ICMT: variants seen among roughly 807,000 people sequenced by gnomAD.
The protein encoded by ICMT is protein-S-isoprenylcysteine O-methyltransferase.
Under a neutral mutation model 32.2 loss-of-function variants are expected in ICMT, and 10 were observed. That is an observed-to-expected ratio of 0.31 (90% CI 0.19 to 0.53). ICMT has a LOEUF of 0.53. Ranked by LOEUF, ICMT falls within the 20% of genes least tolerant of loss-of-function variation. ICMT has a pLI of 0.96. For missense variants in ICMT, 265 were observed against 356.9 expected (o/e 0.74, Z 2.07); for synonymous variants, 183 against 158.2 (o/e 1.16, Z -1.18).
chr1:6,229,783 TACACACACACACACACACACAC>T (rs34741419), intron 4 of ICMT, among the ~76,000 whole-genome samples: 3 of 146,704 alleles, frequency 2.0e-5, no homozygotes, highest in Non-Finnish European at 4.5e-5. Flanking sequence ...ATAAAAAAAA[TACACACACACACACACACACAC>T]ACACACACAC....
intron 1 of ICMT, 56 bp downstream of exon 1, chr1:6,235,661 G>C: frequency 9.1e-7 from 1 of 1,097,056 alleles, no homozygotes; most frequent in Non-Finnish European, 1.1e-6. Flanking sequence ...CACGCGCCGC[G>C]CCAAGCGGAC....
In ICMT at chr1:6,225,128, C is replaced by G; in HGVS notation, c.807G>C (p.Arg269Ser). Residue 269 changes from arginine to serine, a missense_variant, in exon 5 of 5, where the codon AGG (arginine) becomes AGC (serine). Physicochemically the swap from Arg to Ser is moderately radical, Grantham distance 110 (BLOSUM62 -1). Around this residue, in one of 2 missense-constraint regions of ICMT, gnomAD observed 166 missense variants for 264.3 expected, o/e 0.63. Coordinates refer to ENST00000343813, the MANE Select transcript of ICMT (RefSeq NM_012405.4). ...TTATGAAAGGCAGGCCCGTGGGCAC[C>G]CTCTTCTTATACTCCAGGTACTCCT... ...FGEEYLEYKK[R>S]VPTGLPFIKG... The G allele has an allele frequency of 1.2e-6, 2 of 1,614,140 alleles. No homozygotes were observed. Among genetic ancestry groups the G allele is most frequent in the Non-Finnish European group, 8.5e-7 (1 of 1,179,996 alleles).
Position 6,221,342 on chromosome 1 carries a change from G to C in ICMT, c.*3738C>G, listed in dbSNP as rs549116504. The C allele has an allele frequency of 1.3e-5, 2 of 152,776 alleles. No individual in the cohort carries two copies. Among genetic ancestry groups the C allele is most frequent in the Admixed American group, 1.3e-4 (2 of 15,300 alleles). The allele number at this position is 152,776 out of a possible 1,614,324, so 9.5% of individuals were successfully genotyped here. ...CGTTCAGTTCCTCTCCTTGCAATGG[G>C]ATAGGCTGCCTCTGCTGCAGATGGC... is the stretch of plus-strand genomic sequence containing the variant. On this transcript the variant is annotated 3_prime_UTR_variant, in exon 5 of 5. Transcript: ENST00000343813.
Position 6,221,784 on chromosome 1 carries a change from C to T in ICMT, c.*3296G>A, listed in dbSNP as rs572264733. On this transcript the variant is annotated 3_prime_UTR_variant, in exon 5 of 5. Coordinates refer to ENST00000343813, the MANE Select transcript of ICMT (RefSeq NM_012405.4). Reference sequence around the variant, plus strand: ...CCTTGTTTTCTGTCCTGCTAAGAGGCTCACCCCGCGACCTCTTCTGTAAAC... The same window carrying T: ...CCTTGTTTTCTGTCCTGCTAAGAGGTTCACCCCGCGACCTCTTCTGTAAAC... 5 of 152,298 alleles carry T rather than the reference C, an allele frequency of 3.3e-5. No individual in the cohort carries two copies. The East Asian group carries it at 7.7e-4, about 24-fold the overall frequency. 9.4% of individuals were successfully genotyped at this position (152,298 alleles called of 1,614,324 possible).
At chr1:6,235,290 G>A (rs190451851) in intron 1 of ICMT, among the ~76,000 whole-genome samples, 4 of 152,260 alleles carry the variant, frequency 2.6e-5, no homozygotes, top group African/African-American at 9.6e-5. Flanking sequence ...CATTTTAGCT[G>A]TCATTATTAT....
intron 1 of ICMT, 100 bp downstream of exon 1, chr1:6,235,616 TG>T: frequency 1.3e-6 from 1 of 773,462 alleles, no homozygotes; most frequent in Non-Finnish European, 1.6e-6. Flanking sequence ...AGCGCGCGCG[TG>T]GGAGGCCACT....
chr1:6,231,202 A>T (rs1036374493), intron 4 of ICMT, among the ~76,000 whole-genome samples: 5 of 152,082 alleles, frequency 3.3e-5, no homozygotes, highest in Non-Finnish European at 2.9e-5. Flanking sequence ...AAAAGAAAAG[A>T]AACGAAACAA....
At chr1:6,230,985 T>G (rs1266989114) in intron 4 of ICMT, among the ~76,000 whole-genome samples, 1 of 151,580 alleles carries the variant, frequency 6.6e-6, no homozygotes, top group Admixed American at 6.6e-5. Flanking sequence ...GCAGACTGCT[T>G]GAGCTCAGTA....
chr1:6,235,495 C>T (rs1234379810), intron 1 of ICMT, among the ~76,000 whole-genome samples: 2 of 152,136 alleles, frequency 1.3e-5, no homozygotes, highest in Non-Finnish European at 2.9e-5. Context: ...CCACCCCACG[C>T]GCACCTGCTG....
intron 4 of ICMT, 111 bp downstream of exon 4, chr1:6,231,791 A>G: frequency 1.5e-6 from 1 of 688,664 alleles, no homozygotes; most frequent in East Asian, 2.7e-5. Context: ...TACACTGAAA[A>G]CCACTAATTG....
intron 1 of ICMT, among the ~76,000 whole-genome samples, chr1:6,235,485 C>A (rs1571228386): frequency 6.6e-6 from 1 of 152,134 alleles, no homozygotes; most frequent in East Asian, 1.9e-4. Context: ...CTCGCTCACT[C>A]CACCCCACGC....
At chr1:6,233,217 A>G (rs1046187318) in intron 3 of ICMT, among the ~76,000 whole-genome samples, 3 of 152,272 alleles carry the variant, frequency 2.0e-5, no homozygotes, top group Admixed American at 6.5e-5. Context: ...ACAACTACTC[A>G]AGGTTGGGGC....
At position 6,235,926 on chromosome 1, in the gene ICMT, G is replaced by C. The variant is rs1413342828; in HGVS notation, c.-15C>G. 9.0e-7 allele frequency: 1 copy of C among 1,106,500 alleles called. No individual in the cohort carries two copies. Among genetic ancestry groups the C allele is most frequent in the South Asian group, 4.3e-5 (1 of 23,170 alleles). 68.5% of individuals were successfully genotyped at this position (1,106,500 alleles called of 1,614,324 possible). On this transcript the variant is annotated 5_prime_UTR_variant, in exon 1 of 5. Transcript: ENST00000343813. ...CAGCCCGCCATGGCGCCGGGCGGCG[G>C]ACTAGCGGGCGGCGGCGCCGGCTGT...
intron 4 of ICMT, among the ~76,000 whole-genome samples, chr1:6,227,622 G>C (rs1170563630): frequency 6.6e-6 from 1 of 152,216 alleles, no homozygotes; most frequent in Non-Finnish European, 1.5e-5. Flanking sequence ...TTGGGAGACT[G>C]AGGCAAGTGG....
intron 4 of ICMT, among the ~76,000 whole-genome samples, chr1:6,227,581 C>T (rs1007154679): frequency 5.3e-5 from 8 of 152,176 alleles, no homozygotes; most frequent in East Asian, 1.9e-4. Context: ...GGCGGCCAGG[C>T]GCGATGGCTC....
rs1005147873 is a variant in ICMT at position 6,224,904 on chromosome 1, C to T, written c.*176G>A. 3.0e-6 allele frequency: 2 copies of T among 657,196 alleles called. No homozygotes were observed. Among genetic ancestry groups the T allele is most frequent in the Non-Finnish European group, 5.3e-6 (2 of 373,836 alleles). 40.7% of individuals were successfully genotyped at this position (657,196 alleles called of 1,614,324 possible). A position where few individuals can be genotyped will look rare whatever the true frequency, so the allele number is the denominator to read the frequency against. On this transcript the variant is annotated 3_prime_UTR_variant, in exon 5 of 5. Coordinates refer to ENST00000343813, the MANE Select transcript of ICMT (RefSeq NM_012405.4). Reference sequence around the variant, plus strand: ...GATTCGGCATAAGGACAGACTGCTCCAGTGGGGCCTTGGGTCCTCAGGCCT... The same window carrying T: ...GATTCGGCATAAGGACAGACTGCTCTAGTGGGGCCTTGGGTCCTCAGGCCT...
rs1407171846 is a variant in ICMT, at chr1:6,225,110, AG to A, written c.824del (p.Pro275LeufsTer3). The A allele has an allele frequency of 6.2e-7, 1 of 1,613,818 alleles. No individual in the cohort carries two copies. Among genetic ancestry groups the A allele is most frequent in the African/African-American group, 1.3e-5 (1 of 74,936 alleles). ...EYKKRVPTGLPFIKGVKVDL is the reference protein window; with the variant it reads ...EYKKRVPTGLXFIKGVKVDL ...GGTCCACCTTGACCCCCTTTATGAA[AG>A]GCAGGCCCGTGGGCACCCTCTTCTT... On this transcript the variant is annotated frameshift_variant, in exon 5 of 5. Transcript: ENST00000343813. LOFTEE classifies it high-confidence loss of function.
rs1668791454 is a variant in ICMT at position 6,234,772 on chromosome 1, C to CCCTGAACAGG, written c.284+113_284+114insCCTGTTCAGG. 6 of 814,630 alleles carry CCCTGAACAGG rather than the reference C, an allele frequency of 7.4e-6. No individual in the cohort carries two copies. In the Admixed American group the frequency reaches 1.2e-4, roughly 16 times the overall value. 50.5% of individuals were successfully genotyped at this position (814,630 alleles called of 1,614,324 possible). A position where few individuals can be genotyped will look rare whatever the true frequency, so the allele number is the denominator to read the frequency against. ...GCCAGGAGACTTCGTTTCCAGAGAA[C>CCCTGAACAGG]CCTGAACAGCCTTCTGCCGGTCACA... On this transcript the variant is annotated intron_variant, in intron 2 of 4. Coordinates refer to ENST00000343813, the MANE Select transcript of ICMT (RefSeq NM_012405.4).
intron 4 of ICMT, 40 bp downstream of exon 4, chr1:6,231,858 TAAAA>T: frequency 4.8e-6 from 5 of 1,036,064 alleles, no homozygotes; most frequent in Non-Finnish European, 6.8e-6. Context: ...AAATGTTACT[TAAAA>T]AAAAAAAAAA....
Sources: gnomAD v4.1 joint callset for allele counts (sites outside exome capture counted in the v4.1 genomes callset) on GRCh38, gnomAD v4.1.1 for gene constraint, gnomAD v4.1.1 regional missense constraint, MANE v1.5 for transcripts, NCBI Gene and HGNC (gene_info 2026-07-23, HGNC 2026-07-21) for gene names.